Variants in PTPRG observed in about 807,000 individuals in gnomAD.
PTPRG encodes receptor-type tyrosine-protein phosphatase gamma.
PTPRG carries 102 observed loss-of-function variants against 165.3 expected under a neutral mutation model. The ratio of observed to expected loss-of-function variants is 0.62; its 90% CI spans 0.53 to 0.73. The LOEUF (loss-of-function observed/expected upper bound fraction) is 0.73. Ranked by LOEUF, PTPRG falls within the 30% of genes least tolerant of loss-of-function variation. The pLI, the probability that PTPRG is intolerant of heterozygous loss-of-function variation, is 0.00. For synonymous variants in PTPRG, 675 were observed against 669.5 expected (o/e 1.01, Z -0.13); for missense variants, 1,866 against 1,861.4 (o/e 1.00, Z -0.05).
chr3:61,864,120 C>T (rs2037343723), intron 2 of PTPRG, among the ~76,000 whole-genome samples: 1 of 152,140 alleles, frequency 6.6e-6, no homozygotes. Context: ...CCTTACCTAC[C>T]TCCTGGGTTA....
intron 1 of PTPRG, among the ~76,000 whole-genome samples, chr3:61,630,489 G>T (rs895635043): frequency 1.3e-5 from 2 of 152,110 alleles, no homozygotes; most frequent in African/African-American, 2.4e-5. Flanking sequence ...TTTTTCCCAA[G>T]TAAAAGATGT....
At chr3:61,622,342 G>A (rs1701483813) in intron 1 of PTPRG, among the ~76,000 whole-genome samples, 1 of 152,188 alleles carries the variant, frequency 6.6e-6, no homozygotes, top group South Asian at 2.1e-4. Context: ...GAGCTGGAAG[G>A]ATTTCAGGAA....
intron 1 of PTPRG, among the ~76,000 whole-genome samples, chr3:61,702,343 A>G (rs1234726123): frequency 6.6e-6 from 1 of 152,212 alleles, no homozygotes; most frequent in African/African-American, 2.4e-5. Flanking sequence ...ACCTTTTAAA[A>G]TATTGACCCT....
At chr3:62,150,137 G>T (rs1319769295) in intron 6 of PTPRG, among the ~76,000 whole-genome samples, 2 of 152,200 alleles carry the variant, frequency 1.3e-5, no homozygotes, top group African/African-American at 2.4e-5. Context: ...TAGAAACGGT[G>T]ATTCAAATAT....
intron 2 of PTPRG, among the ~76,000 whole-genome samples, chr3:61,962,569 T>A (rs1237108793): frequency 6.6e-6 from 1 of 152,220 alleles, no homozygotes; most frequent in Non-Finnish European, 1.5e-5. Context: ...GTCACATTCA[T>A]GAAGCTTTTC....
intron 5 of PTPRG, among the ~76,000 whole-genome samples, chr3:62,110,133 C>T (rs928575878): frequency 2.8e-5 from 4 of 140,902 alleles, no homozygotes; most frequent in African/African-American, 5.3e-5. Flanking sequence ...TTCCTGTACC[C>T]CTTAGAGACC....
chr3:62,116,780 C>G (rs1306821842), intron 5 of PTPRG, among the ~76,000 whole-genome samples: 2 of 152,122 alleles, frequency 1.3e-5, no homozygotes, highest in African/African-American at 4.8e-5. Context: ...AGATAACAGG[C>G]AAATCACAAC....
intron 2 of PTPRG, among the ~76,000 whole-genome samples, chr3:61,836,333 G>A (rs2036461259): frequency 1.3e-5 from 2 of 152,096 alleles, no homozygotes; most frequent in African/African-American, 4.8e-5. Context: ...TTTTCTGAGT[G>A]TGTAGTACAT....
chr3:62,061,569 C>A (rs1489857915), intron 4 of PTPRG, among the ~76,000 whole-genome samples: 1 of 152,054 alleles, frequency 6.6e-6, no homozygotes, highest in Non-Finnish European at 1.5e-5. Flanking sequence ...AAGTTATTAA[C>A]CCCTTTGCTA....
chr3:61,687,563 C>A (rs1575590118), intron 1 of PTPRG, among the ~76,000 whole-genome samples: 1 of 152,092 alleles, frequency 6.6e-6, no homozygotes, highest in Admixed American at 6.5e-5. Context: ...CAAACCAAAT[C>A]ACTGCAGTGA....
chr3:61,802,711 G>T (rs1467559898), intron 2 of PTPRG, among the ~76,000 whole-genome samples: 2 of 152,086 alleles, frequency 1.3e-5, no homozygotes, highest in East Asian at 1.9e-4. Context: ...CTGACTGTCT[G>T]TCTCTGTGGA....
chr3:61,630,349 T>C (rs1701740654), intron 1 of PTPRG, among the ~76,000 whole-genome samples: 1 of 152,250 alleles, frequency 6.6e-6, no homozygotes. Flanking sequence ...GTTCTGGCTT[T>C]CCACCATCCT....
intron 5 of PTPRG, among the ~76,000 whole-genome samples, chr3:62,118,099 C>T (rs556220835): frequency 1.4e-4 from 21 of 152,296 alleles, no homozygotes; most frequent in East Asian, 9.6e-4. Context: ...TTAATATCTC[C>T]GTTTTCCAGA....
intron 2 of PTPRG, among the ~76,000 whole-genome samples, chr3:61,812,037 A>G (rs1232255357): frequency 2.6e-5 from 4 of 152,230 alleles, no homozygotes; most frequent in Non-Finnish European, 5.9e-5. Context: ...GCTTGAGGAC[A>G]TAGTGGGGAG....
At position 61,687,970 on chromosome 3, in the gene PTPRG, G is replaced by A. The variant is rs904945367; in HGVS notation, c.86-60908G>A. 6.6e-5 allele frequency among the ~76,000 whole-genome samples: 10 copies of A among 152,198 alleles called. No homozygotes were observed. The East Asian group carries it at 7.7e-4, about 12-fold the overall frequency. On this transcript the variant is annotated intron_variant, in intron 1 of 29. Coordinates refer to ENST00000474889, the MANE Select transcript of PTPRG (RefSeq NM_002841.4). Reference sequence around the variant, plus strand: ...GACATGTTTCTAGAAAAGGAATCGCGTACCCAGCTTTTCCAAGTTTCTTAG... The same window carrying A: ...GACATGTTTCTAGAAAAGGAATCGCATACCCAGCTTTTCCAAGTTTCTTAG...
At chr3:61,977,328 G>A (rs1269762727) in intron 2 of PTPRG, among the ~76,000 whole-genome samples, 7 of 152,056 alleles carry the variant, frequency 4.6e-5, no homozygotes, top group Non-Finnish European at 1.5e-5. Flanking sequence ...CATTGAGAAT[G>A]TCCTGAGATC....
chr3:62,193,606 C>G (rs376803920), intron 9 of PTPRG, among the ~76,000 whole-genome samples: 1 of 152,224 alleles, frequency 6.6e-6, no homozygotes, highest in South Asian at 2.1e-4. Flanking sequence ...CCTTCCGCAT[C>G]GTCACCACAA....
chr3:62,266,543 T>A (rs2148865658), intron 17 of PTPRG, among the ~76,000 whole-genome samples: 1 of 152,154 alleles, frequency 6.6e-6, no homozygotes, highest in African/African-American at 2.4e-5. Context: ...ATGTCAACTG[T>A]AAACTGAAAG....
rs1415598177 is a variant in PTPRG, at chr3:62,222,444, C to CT, written c.2288+3464dup. Among the ~76,000 whole-genome samples, 14 of 152,226 alleles carry CT rather than the reference C, an allele frequency of 9.2e-5. No homozygotes were observed. The highest frequency in any genetic ancestry group is 3.1e-4 in the African/African-American group (13 of 41,462). On this transcript the variant is annotated intron_variant, in intron 13 of 29. Coordinates refer to ENST00000474889, the MANE Select transcript of PTPRG (RefSeq NM_002841.4). This position sits in a 1 kb window ranked among gnomAD's most constrained non-coding sequence, Gnocchi z 4.5. Reference sequence around the variant, plus strand: ...GTCTCCACCCCAGTGCAAAGGGAATCTTTCTTCTCTAATAGTTCCACTTAA... The same window carrying CT: ...GTCTCCACCCCAGTGCAAAGGGAATCTTTTCTTCTCTAATAGTTCCACTTAA...
Sources: allele counts gnomAD v4.1 joint callset (sites outside exome capture counted in the v4.1 genomes callset), GRCh38; gene constraint gnomAD v4.1.1; non-coding constraint Gnocchi (gnomAD v3.1); transcripts MANE v1.5; gene names NCBI Gene and HGNC (gene_info 2026-07-23, HGNC 2026-07-21).